RBFOX1: variants seen among roughly 807,000 people sequenced by gnomAD.
The protein encoded by RBFOX1 is RNA binding fox-1 homolog 1, also known as RNA binding protein fox-1 homolog 1.
Under a neutral mutation model 57.7 loss-of-function variants are expected in RBFOX1, and 8 were observed. The observed-to-expected ratio is 0.14, with a 90% CI of 0.08 to 0.25. The LOEUF is 0.25. Among genes scored for constraint, RBFOX1 ranks in the 10% least tolerant of loss-of-function variants. The probability of loss-of-function intolerance (pLI) is 1.00; values close to 1 mark genes in which losing one functional copy is unlikely to be tolerated. For missense variants in RBFOX1, 611 were observed against 548.5 expected (o/e 1.11, Z -1.14); for synonymous variants, 326 against 222.4 (o/e 1.47, Z -4.15).
chr16:5,429,726 G>A (rs941693087), intron 1 of RBFOX1, among the ~76,000 whole-genome samples: 1 of 152,164 alleles, frequency 6.6e-6, no homozygotes, highest in East Asian at 1.9e-4. Flanking sequence ...ATACATCACT[G>A]TGCCATAATT....
In RBFOX1 at chr16:7,006,273, G is replaced by A. The variant is rs537279916; in HGVS notation, c.-15-45784G>A. ...AGGTCCAAGCGATTCTCCTGTCTCAGCCTCTCGAGTAGCTGGGATTACAGG... is the reference window on the plus strand; with the variant it reads ...AGGTCCAAGCGATTCTCCTGTCTCAACCTCTCGAGTAGCTGGGATTACAGG... On this transcript the variant is annotated intron_variant, in intron 3 of 15. Coordinates refer to ENST00000550418, the MANE Select transcript of RBFOX1 (RefSeq NM_018723.4). Among the ~76,000 whole-genome samples the A allele has an allele frequency of 2.6e-5, 4 of 152,152 alleles. No individual in the cohort carries two copies. In the South Asian group the frequency reaches 8.3e-4, roughly 32 times the overall value.
intron 3 of RBFOX1, among the ~76,000 whole-genome samples, chr16:6,830,176 C>T (rs1288277900): frequency 6.6e-6 from 1 of 152,116 alleles, no homozygotes; most frequent in Non-Finnish European, 1.5e-5. Flanking sequence ...CTAAGCCTCC[C>T]AAAGTGCTGG....
intron 2 of RBFOX1, among the ~76,000 whole-genome samples, chr16:6,366,208 A>G (rs1254582927): frequency 6.6e-6 from 1 of 152,024 alleles, no homozygotes; most frequent in Non-Finnish European, 1.5e-5. Context: ...ATTCTGGAAG[A>G]TGCATCTTGC....
At chr16:7,296,989 C>G (rs2141846192) in intron 4 of RBFOX1, among the ~76,000 whole-genome samples, 1 of 152,246 alleles carries the variant, frequency 6.6e-6, no homozygotes, top group Non-Finnish European at 1.5e-5. Flanking sequence ...ACAGCAGAAC[C>G]TCATGTCAGG....
At chr16:6,098,741 A>G (rs1426854818) in intron 1 of RBFOX1, among the ~76,000 whole-genome samples, 1 of 152,132 alleles carries the variant, frequency 6.6e-6, no homozygotes, top group Non-Finnish European at 1.5e-5. Context: ...TCCAGCTAAA[A>G]ATCCAGAATC....
intron 3 of RBFOX1, among the ~76,000 whole-genome samples, chr16:5,748,251 A>C (rs1307087145): frequency 6.6e-6 from 1 of 151,852 alleles, no homozygotes; most frequent in African/African-American, 2.4e-5. Context: ...AGTTTGTTAT[A>C]ATTTCTGTTC....
At chr16:5,719,697 C>T (rs1197952598) in intron 3 of RBFOX1, among the ~76,000 whole-genome samples, 2 of 152,074 alleles carry the variant, frequency 1.3e-5, no homozygotes, top group Admixed American at 6.5e-5. Context: ...TTTTGCTGAG[C>T]ATAAATGTTG....
chr16:5,397,743 G>C (rs1393643415), intron 1 of RBFOX1, among the ~76,000 whole-genome samples: 2 of 152,178 alleles, frequency 1.3e-5, no homozygotes, highest in African/African-American at 4.8e-5. Flanking sequence ...ACCATTAAAA[G>C]ATATTCTGGA....
chr16:7,154,261 G>C (rs2076659713), intron 4 of RBFOX1, among the ~76,000 whole-genome samples: 1 of 152,324 alleles, frequency 6.6e-6, no homozygotes, highest in African/African-American at 2.4e-5. Flanking sequence ...AGACATGGCA[G>C]AGATACTTAG....
chr16:6,181,609 C>T (rs753353769), intron 1 of RBFOX1, among the ~76,000 whole-genome samples: 2 of 152,092 alleles, frequency 1.3e-5, no homozygotes, highest in Non-Finnish European at 2.9e-5. Context: ...AAACAGTAAC[C>T]GTAGTCTATT....
intron 3 of RBFOX1, among the ~76,000 whole-genome samples, chr16:6,933,683 C>T (rs576010030): frequency 1.3e-5 from 2 of 152,212 alleles, no homozygotes; most frequent in Non-Finnish European, 1.5e-5. Context: ...ACTGCACACT[C>T]CAGCCTGGGG....
chr16:6,388,598 G>A (rs1428106700), intron 2 of RBFOX1, among the ~76,000 whole-genome samples: 1 of 151,968 alleles, frequency 6.6e-6, no homozygotes, highest in African/African-American at 2.4e-5. Context: ...AACCTGGCTG[G>A]GCACAGTGGT....
chr16:6,968,723 C>A (rs1415547619), intron 3 of RBFOX1, among the ~76,000 whole-genome samples: 1 of 152,160 alleles, frequency 6.6e-6, no homozygotes, highest in South Asian at 2.1e-4. Flanking sequence ...CTCATGGCAG[C>A]TGGCCTCATC....
At chr16:5,958,902 C>T (rs1455198186) in intron 4 of RBFOX1, among the ~76,000 whole-genome samples, 1 of 152,158 alleles carries the variant, frequency 6.6e-6, no homozygotes, top group African/African-American at 2.4e-5. Flanking sequence ...TCTAGGCACA[C>T]CCTGATAGTC....
At chr16:7,395,045 G>A (rs961073272) in intron 4 of RBFOX1, among the ~76,000 whole-genome samples, 3 of 152,126 alleles carry the variant, frequency 2.0e-5, no homozygotes, top group East Asian at 1.9e-4. Context: ...TAAGTTTGCC[G>A]CAGACTAGGG....
At chr16:6,922,494 C>G (rs549989247) in intron 3 of RBFOX1, among the ~76,000 whole-genome samples, 19 of 152,142 alleles carry the variant, frequency 1.2e-4, no homozygotes, top group Non-Finnish European at 2.6e-4. Context: ...AGCTCATTTT[C>G]TTTGCTGTGT....
At chr16:7,368,411 C>G (rs2097503689) in intron 4 of RBFOX1, among the ~76,000 whole-genome samples, 1 of 152,138 alleles carries the variant, frequency 6.6e-6, no homozygotes, top group Middle Eastern at 3.4e-3. Context: ...AAACCAGCAT[C>G]ATTCATGGAG....
intron 4 of RBFOX1, among the ~76,000 whole-genome samples, chr16:7,516,511 G>A (rs1358269733): frequency 1.3e-5 from 2 of 152,226 alleles, no homozygotes; most frequent in Non-Finnish European, 2.9e-5. Context: ...ATCACTGCAT[G>A]TCTTCTTTGG....
intron 1 of RBFOX1, among the ~76,000 whole-genome samples, chr16:6,219,419 G>A (rs1193127466): frequency 1.3e-5 from 2 of 152,318 alleles, no homozygotes; most frequent in East Asian, 1.9e-4. Flanking sequence ...CGACACTCCA[G>A]CCTGGGCAGC....
Sources: allele counts gnomAD v4.1 joint callset (sites outside exome capture counted in the v4.1 genomes callset), GRCh38; gene constraint gnomAD v4.1.1; transcripts MANE v1.5; gene names NCBI Gene and HGNC (gene_info 2026-07-23, HGNC 2026-07-21).